Variants in SACS observed in about 807,000 individuals in gnomAD.
SACS encodes sacsin molecular chaperone.
Under a neutral mutation model 348.0 loss-of-function variants are expected in SACS, and 197 were observed. The ratio of observed to expected loss-of-function variants is 0.57; its 90% CI spans 0.50 to 0.64. SACS has a LOEUF of 0.64. Ranked by LOEUF, SACS falls within the 30% of genes least tolerant of loss-of-function variation. The probability of loss-of-function intolerance (pLI) is 0.00; values close to 1 mark genes in which losing one functional copy is unlikely to be tolerated. For synonymous variants in SACS, 1,985 were observed against 1,910.6 expected (o/e 1.04, Z -1.02); for missense variants, 4,999 against 5,360.8 (o/e 0.93, Z 2.11).
At chr13:23,429,146 A>C (rs182641861) in intron 1 of SACS, among the ~76,000 whole-genome samples, 2 of 152,284 alleles carry the variant, frequency 1.3e-5, no homozygotes, top group Admixed American at 6.5e-5. Context: ...AAAATAGATT[A>C]TATGACTAAA....
Position 23,338,624 on chromosome 13 carries a change from C to CT in SACS, c.5251dup (p.Ser1751LysfsTer2). 3 of 1,614,120 alleles carry CT rather than the reference C, an allele frequency of 1.9e-6. No homozygotes were observed. Among genetic ancestry groups the CT allele is most frequent in the Non-Finnish European group, 2.5e-6 (3 of 1,180,006 alleles). ...AATGCAAGATGACTTTGGTTCATCACTGGGAAGCTTTTTATTACTGCTGCT... is the reference window on the plus strand; with the variant it reads ...AATGCAAGATGACTTTGGTTCATCACTTGGGAAGCTTTTTATTACTGCTGCT... On this transcript the variant is annotated frameshift_variant, in exon 10 of 10. Coordinates refer to ENST00000382292, the MANE Select transcript of SACS (RefSeq NM_014363.6). LOFTEE classifies it high-confidence loss of function.
chr13:23,349,266 A>G (rs1869806083), intron 9 of SACS, among the ~76,000 whole-genome samples: 1 of 152,182 alleles, frequency 6.6e-6, no homozygotes, highest in Non-Finnish European at 1.5e-5. Context: ...TAGTCAACAG[A>G]TCCTGGAGAC....
chr13:23,425,818 A>G (rs925378817), intron 1 of SACS, among the ~76,000 whole-genome samples: 6 of 152,164 alleles, frequency 3.9e-5, no homozygotes, highest in Admixed American at 2.6e-4. Context: ...GCTCGTGCCT[A>G]TGAGCTAGAG....
chr13:23,393,774 T>C (rs1872614258), intron 2 of SACS, among the ~76,000 whole-genome samples: 1 of 152,278 alleles, frequency 6.6e-6, no homozygotes, highest in East Asian at 1.9e-4. Context: ...TTTTTTATTT[T>C]TTTTGAGACG....
chr13:23,418,746 C>A lies in SACS; in HGVS notation c.-501-7006G>T, dbSNP rs192736480. On this transcript the variant is annotated intron_variant, in intron 1 of 9. Transcript: ENST00000382292. ...TCTCAAACTCCTGACCTCAAGTGATCCCCCTGCCTCAGCCTCCCAAAGTGC... is the reference window on the plus strand; with the variant it reads ...TCTCAAACTCCTGACCTCAAGTGATACCCCTGCCTCAGCCTCCCAAAGTGC... Among the ~76,000 whole-genome samples, 807 of 152,294 alleles carry A rather than the reference C, an allele frequency of 5.3e-3. 11 individuals are homozygous for A. Among genetic ancestry groups the A allele is most frequent in the African/African-American group, 0.019 (786 of 41,560 alleles).
At chr13:23,406,493 C>T (rs148739502) in intron 2 of SACS, among the ~76,000 whole-genome samples, 3 of 151,698 alleles carry the variant, frequency 2.0e-5, no homozygotes, top group South Asian at 2.1e-4. Flanking sequence ...CAAACCCACA[C>T]GTTCTGCACA....
At chr13:23,425,580 T>C (rs1664458750) in intron 1 of SACS, among the ~76,000 whole-genome samples, 1 of 152,190 alleles carries the variant, frequency 6.6e-6, no homozygotes, top group African/African-American at 2.4e-5. Flanking sequence ...CTTGTCCCCA[T>C]GGGCCCTGCC....
Position 23,338,358 on chromosome 13 carries a change from T to C in SACS, c.5518A>G (p.Arg1840Gly), listed in dbSNP as rs1167329638. 6.2e-7 allele frequency: 1 copy of C among 1,614,022 alleles called. No homozygotes were observed. The highest frequency in any genetic ancestry group is 8.5e-7 in the Non-Finnish European group (1 of 1,180,002). Residue 1840 changes from arginine to glycine, a missense_variant, in exon 10 of 10, where the codon AGA (arginine) becomes GGA (glycine). This residue lies in a region of SACS where 3,156 missense variants were observed against 3,380.1 expected (regional missense o/e 0.93). Coordinates refer to ENST00000382292, the MANE Select transcript of SACS (RefSeq NM_014363.6). ...GCCCCACATGGAACCAGTCCTAGTC[T>C]TCTTCCACTCTCACTCAGGGAAAAC... is the stretch of plus-strand genomic sequence containing the variant. Reference protein sequence around the residue: ...LKFSLSESGRRLGLVPCGAVG... With the variant: ...LKFSLSESGRGLGLVPCGAVG...
At chr13:23,398,534 C>CAAA (rs59868515) in intron 2 of SACS, among the ~76,000 whole-genome samples, 4 of 102,180 alleles carry the variant, frequency 3.9e-5, no homozygotes, top group Admixed American at 1.1e-4. Context: ...AACTCCGTCT[C>CAAA]AAAAAAAAAA....
At chr13:23,419,460 A>G (rs143547505) in intron 1 of SACS, among the ~76,000 whole-genome samples, 4 of 152,338 alleles carry the variant, frequency 2.6e-5, no homozygotes, top group African/African-American at 9.6e-5. Flanking sequence ...CAGAGTCTCA[A>G]CAGGGCTTGA....
intron 6 of SACS, among the ~76,000 whole-genome samples, chr13:23,364,612 T>C (rs1180580623): frequency 6.6e-6 from 1 of 152,226 alleles, no homozygotes; most frequent in Non-Finnish European, 1.5e-5. Flanking sequence ...AACATTCTTT[T>C]TGACACCAAA....
chr13:23,393,272 T>G (rs1324094518), intron 2 of SACS, among the ~76,000 whole-genome samples: 1 of 152,232 alleles, frequency 6.6e-6, no homozygotes, highest in Admixed American at 6.5e-5. Context: ...AGTTTGGAGT[T>G]TGGAGCCATG....
rs761727761 is a variant in SACS, at chr13:23,331,704, T to G, written c.12172A>C (p.Arg4058=). 1 of 1,613,982 alleles carries G rather than the reference T, an allele frequency of 6.2e-7. No individual in the cohort carries two copies. The highest frequency in any genetic ancestry group is 8.5e-7 in the Non-Finnish European group (1 of 1,179,964). The change falls in exon 10 of 10, where the codon AGA becomes CGA. Residue 4058 remains arginine (R), a synonymous_variant. Coordinates refer to ENST00000382292, the MANE Select transcript of SACS (RefSeq NM_014363.6). ...SCFEKLQTTL[R]VKGFNPIPHS... ...GGAATAGGATTAAAACCTTTAACTC[T>G]TAATGTTGTTTGAAGCTTTTCAAAG...
intron 4 of SACS, 77 bp from the exon 5 acceptor site, chr13:23,368,564 A>G: frequency 1.0e-6 from 1 of 984,910 alleles, no homozygotes. Context: ...CTTGAATCTG[A>G]GACATCATAT....
intron 7 of SACS, among the ~76,000 whole-genome samples, chr13:23,357,199 C>T (rs1295773012): frequency 6.6e-6 from 1 of 152,200 alleles, no homozygotes; most frequent in Admixed American, 6.5e-5. Context: ...TTCATTCCTG[C>T]TTAAGCCTCC....
chr13:23,360,143 G>A (rs901815572), intron 6 of SACS, among the ~76,000 whole-genome samples: 2 of 152,074 alleles, frequency 1.3e-5, no homozygotes, highest in Non-Finnish European at 2.9e-5. Flanking sequence ...CAATGAGACA[G>A]CACAAATACG....
rs1272133291 is a variant in SACS, at chr13:23,337,137, T to C, written c.6739A>G (p.Thr2247Ala). ...CAAACTATATCTTGATGTTCAGCTG[T>C]ATAAAGGTCAGTTGCTGCAAACATG... Reference protein sequence around the residue: ...ETMFAATDLYTAEHQDIVCLL... With the variant: ...ETMFAATDLYAAEHQDIVCLL... The change falls in exon 10 of 10, where the codon ACA (threonine) becomes GCA (alanine). Residue 2247 changes from threonine (T) to alanine (A), a missense_variant. By Grantham distance (58) the Thr-to-Ala change is moderately conservative (BLOSUM62 0). Transcript: ENST00000382292. The C allele has an allele frequency of 6.2e-7, 1 of 1,614,018 alleles. No individual in the cohort carries two copies. The highest frequency in any genetic ancestry group is 8.5e-7 in the Non-Finnish European group (1 of 1,179,918).
intron 2 of SACS, among the ~76,000 whole-genome samples, chr13:23,386,871 G>C (rs1433229616): frequency 1.3e-5 from 2 of 152,284 alleles, no homozygotes; most frequent in East Asian, 3.9e-4. Context: ...GGAGGAGAGG[G>C]AGAGAGGCAA....
Position 23,337,892 on chromosome 13 carries a change from T to C in SACS, c.5984A>G (p.Asp1995Gly), listed in dbSNP as rs752433736. 2 of 1,613,884 alleles carry C rather than the reference T, an allele frequency of 1.2e-6. No homozygotes were observed. The highest frequency in any genetic ancestry group is 1.7e-6 in the Non-Finnish European group (2 of 1,179,920). ...WVSMKNVRFL[D>G]DSILKRRDVG... is the part of the protein sequence containing the mutation. ...ATCTCTTCTTTTAAGTATAGAGTCATCTAGAAATCTTACGTTCTTCATGGA... is the reference window on the plus strand; with the variant it reads ...ATCTCTTCTTTTAAGTATAGAGTCACCTAGAAATCTTACGTTCTTCATGGA... The change falls in exon 10 of 10, where the codon GAT (aspartate) becomes GGT (glycine). Residue 1995 changes from aspartate to glycine, a missense_variant. Asp to Gly is a moderately conservative substitution (Grantham distance 94, BLOSUM62 -1). Around this residue, in one of 6 missense-constraint regions of SACS, gnomAD observed 3,156 missense variants for 3,380.1 expected, o/e 0.93. Transcript: ENST00000382292.
Sources: gnomAD v4.1 joint callset for allele counts (sites outside exome capture counted in the v4.1 genomes callset) on GRCh38, gnomAD v4.1.1 for gene constraint, gnomAD v4.1.1 regional missense constraint, MANE v1.5 for transcripts, NCBI Gene and HGNC (gene_info 2026-07-23, HGNC 2026-07-21) for gene names.